The following WWOX variants were observed in gnomAD, a reference collection of about 807,000 sequenced individuals.
WWOX encodes WW domain containing oxidoreductase, also known as WW domain-containing oxidoreductase.
Under a neutral mutation model 46.2 loss-of-function variants are expected in WWOX, and 69 were observed. The ratio of observed to expected loss-of-function variants is 1.49; its 90% CI spans 1.23 to 1.82. The LOEUF (loss-of-function observed/expected upper bound fraction) is 1.82. Among genes scored for constraint, WWOX ranks in the 40% most tolerant of loss-of-function variants. The pLI is 0.00. For synonymous variants in WWOX, 359 were observed against 202.6 expected (o/e 1.77, Z -6.56); for missense variants, 919 against 542.6 (o/e 1.69, Z -6.89).
chr16:78,437,235 C>G (rs78936095), intron 8 of WWOX, among the ~76,000 whole-genome samples: 1 of 152,168 alleles, frequency 6.6e-6, no homozygotes, highest in Admixed American at 6.5e-5. Context: ...TTTTTATTTG[C>G]TGTGACTTGC....
chr16:78,707,156 G>T (rs1303798192), intron 8 of WWOX, among the ~76,000 whole-genome samples: 2 of 152,190 alleles, frequency 1.3e-5, no homozygotes, highest in South Asian at 2.1e-4. Flanking sequence ...TAATCTTAGT[G>T]TTAAAGGGTT....
chr16:78,700,359 A>AGAGACC (rs1247939804), intron 8 of WWOX, among the ~76,000 whole-genome samples: 10 of 125,544 alleles, frequency 8.0e-5, no homozygotes, highest in Non-Finnish European at 1.7e-4. Context: ...AGAGAGAGAG[A>AGAGACC]GACCATCTCT....
intron 6 of WWOX, among the ~76,000 whole-genome samples, chr16:78,410,529 G>T (rs915200918): frequency 3.9e-5 from 6 of 152,070 alleles, no homozygotes; most frequent in Non-Finnish European, 5.9e-5. Flanking sequence ...TCAGCTGGGG[G>T]CTGGGCATGG....
At chr16:78,527,021 G>A (rs1302010282) in intron 8 of WWOX, among the ~76,000 whole-genome samples, 3 of 152,116 alleles carry the variant, frequency 2.0e-5, no homozygotes, top group Admixed American at 6.5e-5. Flanking sequence ...AAAATTAGCT[G>A]GGTGTGGTGA....
intron 8 of WWOX, among the ~76,000 whole-genome samples, chr16:78,836,308 C>T (rs1372390862): frequency 6.6e-6 from 1 of 152,052 alleles, no homozygotes. Flanking sequence ...CAGGGCCACA[C>T]AAGGAGGTAA....
At chr16:78,747,283 C>T (rs1289136755) in intron 8 of WWOX, among the ~76,000 whole-genome samples, 1 of 151,558 alleles carries the variant, frequency 6.6e-6, no homozygotes, top group Non-Finnish European at 1.5e-5. Flanking sequence ...CCTCTGCCTC[C>T]CGGGTTCAAG....
intron 8 of WWOX, among the ~76,000 whole-genome samples, chr16:78,818,117 A>C (rs914969702): frequency 6.6e-6 from 1 of 152,168 alleles, no homozygotes; most frequent in African/African-American, 2.4e-5. Flanking sequence ...GGCTTTTATA[A>C]ACCTGCCTTG....
At chr16:78,450,008 A>G (rs2083654643) in intron 8 of WWOX, among the ~76,000 whole-genome samples, 1 of 150,984 alleles carries the variant, frequency 6.6e-6, no homozygotes, top group Non-Finnish European at 1.5e-5. Flanking sequence ...TTTTGTTATG[A>G]TTTTTTTTAA....
chr16:78,363,498 T>G (rs2081459145), intron 5 of WWOX, among the ~76,000 whole-genome samples: 1 of 152,054 alleles, frequency 6.6e-6, no homozygotes, highest in Non-Finnish European at 1.5e-5. Flanking sequence ...AGGCTGTCCT[T>G]GAACTCCTGG....
At chr16:78,401,328 C>G (rs894568833) in intron 6 of WWOX, among the ~76,000 whole-genome samples, 1 of 152,062 alleles carries the variant, frequency 6.6e-6, no homozygotes, top group Non-Finnish European at 1.5e-5. Context: ...AAATTTTGAA[C>G]CTAATATTTC....
intron 8 of WWOX, among the ~76,000 whole-genome samples, chr16:79,041,356 C>G (rs1291433703): frequency 6.6e-6 from 1 of 152,172 alleles, no homozygotes; most frequent in Non-Finnish European, 1.5e-5. Context: ...TCTAGGAAGC[C>G]TTCCTTGCTG....
chr16:78,449,874 A>C (rs1018716177), intron 8 of WWOX, among the ~76,000 whole-genome samples: 3 of 151,846 alleles, frequency 2.0e-5, no homozygotes, highest in African/African-American at 7.3e-5. Flanking sequence ...TTTGAGTTAC[A>C]AAAACTAGCC....
At chr16:78,665,142 T>C (rs2047301259) in intron 8 of WWOX, among the ~76,000 whole-genome samples, 1 of 152,104 alleles carries the variant, frequency 6.6e-6, no homozygotes, top group South Asian at 2.1e-4. Flanking sequence ...TTGTGGAATT[T>C]TCTGTGGTGG....
chr16:78,509,509 G>A (rs1045524494), intron 8 of WWOX, among the ~76,000 whole-genome samples: 5 of 152,008 alleles, frequency 3.3e-5, no homozygotes, highest in Non-Finnish European at 7.4e-5. Flanking sequence ...TACCGCATGT[G>A]ACTATTAGCT....
intron 8 of WWOX, among the ~76,000 whole-genome samples, chr16:78,862,913 C>T (rs2043922003): frequency 6.6e-6 from 1 of 151,638 alleles, no homozygotes. Context: ...TCCTGTGGCC[C>T]AGTCAAGTGG....
chr16:78,335,569 C>G (rs1025876783), intron 5 of WWOX, among the ~76,000 whole-genome samples: 2 of 152,058 alleles, frequency 1.3e-5, no homozygotes, highest in African/African-American at 4.8e-5. Context: ...TTGTGAAATA[C>G]CATTTGACCC....
chr16:78,330,357 C>T (rs1207574508), intron 5 of WWOX, among the ~76,000 whole-genome samples: 1 of 151,796 alleles, frequency 6.6e-6, no homozygotes, highest in East Asian at 1.9e-4. Flanking sequence ...ATGTAAATGT[C>T]CTAAATTAAT....
intron 1 of WWOX, among the ~76,000 whole-genome samples, chr16:78,100,368 T>C (rs998154763): frequency 2.0e-5 from 3 of 152,154 alleles, no homozygotes. Context: ...TCCTCTCATC[T>C]CAGCCTCTTG....
At chr16:78,730,948 T>C (rs932254510) in intron 8 of WWOX, among the ~76,000 whole-genome samples, 3 of 152,136 alleles carry the variant, frequency 2.0e-5, no homozygotes, top group Admixed American at 6.5e-5. Context: ...CCTAGAATAA[T>C]ACATTATTAT....
Sources: allele counts gnomAD v4.1 joint callset (sites outside exome capture counted in the v4.1 genomes callset), GRCh38; gene constraint gnomAD v4.1.1; transcripts MANE v1.5; gene names NCBI Gene and HGNC (gene_info 2026-07-23, HGNC 2026-07-21).